The following ACTR3C variants were observed in gnomAD, a reference collection of about 807,000 sequenced individuals.
The protein encoded by ACTR3C is actin related protein 3C.
In ACTR3C, 18 loss-of-function variants were observed where a neutral mutation model predicts 26.3. The observed-to-expected ratio is 0.68, with a 90% CI of 0.47 to 1.01. ACTR3C has a LOEUF of 1.01. Among genes scored for constraint, ACTR3C ranks in the 50% least tolerant of loss-of-function variants. The pLI, the probability that ACTR3C is intolerant of heterozygous loss-of-function variation, is 0.00. For synonymous variants in ACTR3C, 55 were observed against 94.5 expected, an observed-to-expected ratio of 0.58 and a Z score of 2.42; for missense variants, 184 against 250.7, an observed-to-expected ratio of 0.73 and a Z score of 1.80.
At chr7:150,258,794 T>C (rs1239417426) in intron 6 of ACTR3C, among the ~76,000 whole-genome samples, 1 of 150,722 alleles carries the variant, frequency 6.6e-6, no homozygotes, top group Non-Finnish European at 1.5e-5. Context: ...TGATCCCTGT[T>C]ATGTCTCCAT....
At chr7:150,150,652 C>T in the ACTR3C span, among the ~76,000 whole-genome samples, 7 of 138,732 alleles carry the variant, frequency 5.0e-5, 2 homozygotes, top group Non-Finnish European at 8.0e-5. Flanking sequence ...CTTTGCTTTT[C>T]GGTGTCGTAT....
the ACTR3C span, among the ~76,000 whole-genome samples, chr7:150,227,372 A>G: frequency 1.3e-5 from 2 of 151,336 alleles, no homozygotes; most frequent in African/African-American, 4.9e-5. Context: ...TAGATTCCAC[A>G]TATAAATGAG....
chr7:149,940,714 C>G, the ACTR3C span, among the ~76,000 whole-genome samples: 1 of 137,836 alleles, frequency 7.3e-6, no homozygotes, highest in Admixed American at 7.6e-5. Context: ...CACCTCCCCA[C>G]TCTCCTAGGA....
chr7:149,924,388 A>G, the ACTR3C span, among the ~76,000 whole-genome samples: 1 of 152,102 alleles, frequency 6.6e-6, no homozygotes, highest in Non-Finnish European at 1.5e-5. Context: ...AAAAATGAAT[A>G]CAAAGAACAT....
At chr7:150,047,554 T>C in the ACTR3C span, 3 of 615,440 alleles carry the variant, frequency 4.9e-6, no homozygotes, top group South Asian at 7.0e-5. Context: ...CGCGTCTCGC[T>C]GCGCGCTCAG....
chr7:150,029,743 A>G, the ACTR3C span, among the ~76,000 whole-genome samples: 1 of 152,068 alleles, frequency 6.6e-6, no homozygotes, highest in Non-Finnish European at 1.5e-5. Flanking sequence ...CCTAAGCCCC[A>G]TGGTGCCCTG....
chr7:150,078,221 T>G, the ACTR3C span, among the ~76,000 whole-genome samples: 3 of 151,630 alleles, frequency 2.0e-5, no homozygotes, highest in African/African-American at 7.3e-5. Flanking sequence ...CCCTTTTTTT[T>G]CTATTTCTTC....
rs1040091665 is a variant in ACTR3C, at chr7:150,289,683, C to T, written c.154-90G>A. ...CACGAGGTTTCCTGCCTCAGCCTCC[C>T]TGTCTGCCCCTCACGGCACTGACAA... is the stretch of plus-strand genomic sequence containing the variant. On this transcript the variant is annotated intron_variant, in intron 3 of 7. Transcript: ENST00000683684. 7.7e-6 allele frequency: 12 copies of T among 1,564,076 alleles called. No homozygotes were observed. In the African/African-American group the frequency reaches 1.6e-4, roughly 21 times the overall value.
At chr7:150,198,802 G>A in the ACTR3C span, among the ~76,000 whole-genome samples, 1 of 127,294 alleles carries the variant, frequency 7.9e-6, no homozygotes, top group African/African-American at 3.8e-5. Context: ...CGGGAGGGAG[G>A]TGGGGGGGTC....
chr7:150,306,893 G>A lies in ACTR3C; in HGVS notation c.-51-11546C>T, dbSNP rs114073136. ...AACAGTGGTTTATTCATACAAGGGA[G>A]TATTATACTATAAGATAATTAAAAT... On this transcript the variant is annotated intron_variant, in intron 1 of 7. Coordinates refer to ENST00000683684, the MANE Select transcript of ACTR3C (RefSeq NM_001164458.2). Among the ~76,000 whole-genome samples the A allele has an allele frequency of 4.2e-3, 633 of 152,328 alleles. 2 individuals carry two copies. Among genetic ancestry groups the A allele is most frequent in the African/African-American group, 0.015 (607 of 41,572 alleles).
chr7:150,240,811 C>T (rs986382017), downstream of ACTR3C, among the ~76,000 whole-genome samples: 14 of 152,048 alleles, frequency 9.2e-5, no homozygotes, highest in African/African-American at 3.4e-4. Flanking sequence ...ATGAAGAAAA[C>T]ACTACGGGGT....
chr7:150,064,647 CAT>C, the ACTR3C span, among the ~76,000 whole-genome samples: 512 of 103,412 alleles, frequency 5.0e-3, 4 homozygotes, highest in East Asian at 0.037. Context: ...TTTATTTTCA[CAT>C]ACACACACAC....
chr7:149,931,160 C>T, the ACTR3C span, among the ~76,000 whole-genome samples: 1 of 152,226 alleles, frequency 6.6e-6, no homozygotes, highest in East Asian at 1.9e-4. Context: ...GCCACTGAGC[C>T]CGGCCATATG....
the ACTR3C span, among the ~76,000 whole-genome samples, chr7:150,183,172 G>A: frequency 1.3e-5 from 2 of 150,716 alleles, no homozygotes; most frequent in Non-Finnish European, 2.9e-5. Context: ...AGCACTAATT[G>A]TATTATCTTA....
chr7:150,133,831 C>G, the ACTR3C span, among the ~76,000 whole-genome samples: 84 of 151,752 alleles, frequency 5.5e-4, no homozygotes, highest in African/African-American at 1.9e-3. Flanking sequence ...TTGACCTCCA[C>G]GGGCTCAGTG....
chr7:150,111,485 C>T, the ACTR3C span, among the ~76,000 whole-genome samples: 8 of 84,416 alleles, frequency 9.5e-5, no homozygotes, highest in South Asian at 3.1e-3. Context: ...CTTGCACACT[C>T]ACTCACACAA....
chr7:150,240,408 T>C (rs1832114492), downstream of ACTR3C, among the ~76,000 whole-genome samples: 1 of 152,188 alleles, frequency 6.6e-6, no homozygotes, highest in Admixed American at 6.5e-5. Flanking sequence ...AGTTGGAAGT[T>C]GGAAACAACC....
At chr7:150,128,389 G>C in the ACTR3C span, among the ~76,000 whole-genome samples, 1 of 152,148 alleles carries the variant, frequency 6.6e-6, no homozygotes, top group African/African-American at 2.4e-5. Context: ...CAGCTTAGAG[G>C]AGCTAGCCCC....
At chr7:150,144,313 G>A in the ACTR3C span, among the ~76,000 whole-genome samples, 1 of 152,158 alleles carries the variant, frequency 6.6e-6, no homozygotes, top group Admixed American at 6.5e-5. This position sits in a 1 kb window ranked among gnomAD's most constrained non-coding sequence, Gnocchi z 4.6. Flanking sequence ...TGTTAAGATT[G>A]TCTTAAGCAC....
Sources: gnomAD v4.1 joint callset for allele counts (sites outside exome capture counted in the v4.1 genomes callset) on GRCh38, gnomAD v4.1.1 for gene constraint, Gnocchi (gnomAD v3.1) non-coding constraint, MANE v1.5 for transcripts, NCBI Gene and HGNC (gene_info 2026-07-23, HGNC 2026-07-21) for gene names.